Variants in AKT2 observed in about 807,000 individuals in gnomAD.
The protein encoded by AKT2 is RAC-beta serine/threonine-protein kinase.
Under a neutral mutation model 58.6 loss-of-function variants are expected in AKT2, and 16 were observed. The observed-to-expected ratio is 0.27, with a 90% confidence interval of 0.18 to 0.41. The LOEUF (loss-of-function observed/expected upper bound fraction) is 0.41. Ranked by LOEUF, AKT2 falls within the 10% of genes least tolerant of loss-of-function variation. The pLI is 1.00. For missense variants in AKT2, 438 were observed against 661.0 expected (o/e 0.66, Z 3.70); for synonymous variants, 253 against 254.0 (o/e 1.00, Z 0.04).
chr19:40,245,202 C>CTG (rs1974670549), intron 4 of AKT2, among the ~76,000 whole-genome samples: 1 of 152,084 alleles, frequency 6.6e-6, no homozygotes, highest in South Asian at 2.1e-4. Flanking sequence ...TGAGGCAGGT[C>CTG]TGTATGCTGA....
intron 1 of AKT2, chr19:40,284,964 A>C (rs1300056933): frequency 3.6e-5 from 11 of 303,398 alleles, no homozygotes; most frequent in East Asian, 1.0e-4. Flanking sequence ...CGCTCCCCCC[A>C]CCGCCTCAGT....
intron 6 of AKT2, chr19:40,240,439 G>A (rs1447093643): frequency 3.7e-6 from 2 of 538,570 alleles, no homozygotes; most frequent in African/African-American, 3.8e-5. Flanking sequence ...CACAGGCTGT[G>A]GGAAGTCCCA....
chr19:40,267,083 GC>G (rs1252161414), intron 1 of AKT2, among the ~76,000 whole-genome samples: 2 of 151,504 alleles, frequency 1.3e-5, no homozygotes, highest in Admixed American at 1.3e-4. Flanking sequence ...GCCCCCATCT[GC>G]CCCCACCTCT....
intron 1 of AKT2, chr19:40,274,114 A>G (rs1275296917): frequency 6.6e-6 from 1 of 152,544 alleles, no homozygotes; most frequent in Non-Finnish European, 1.5e-5. Flanking sequence ...TCCCACGAGC[A>G]GCGGACTCTC....
At chr19:40,264,149 C>T (rs754322160) in intron 2 of AKT2, among the ~76,000 whole-genome samples, 2 of 152,168 alleles carry the variant, frequency 1.3e-5, no homozygotes, top group Non-Finnish European at 2.9e-5. Context: ...CTGCTCAGCA[C>T]GTGTTTGCTG....
chr19:40,270,485 C>G (rs1430252896), intron 1 of AKT2: 5 of 152,326 alleles, frequency 3.3e-5, no homozygotes, highest in African/African-American at 4.8e-5. Flanking sequence ...TTCTCTCGCC[C>G]CCTCTCACTG....
intron 6 of AKT2, chr19:40,241,590 GC>G (rs1247280803): frequency 3.0e-6 from 1 of 335,566 alleles, no homozygotes; most frequent in African/African-American, 2.1e-5. Flanking sequence ...TCCACTCCTG[GC>G]CCGGCCTCCA....
Position 40,236,238 on chromosome 19 carries a change from C to G in AKT2, c.960+19G>C, listed in dbSNP as rs771140127. 1 of 1,613,598 alleles carries G rather than the reference C, an allele frequency of 6.2e-7. No homozygotes were observed. Among genetic ancestry groups the G allele is most frequent in the Admixed American group, 1.7e-5 (1 of 60,018 alleles). Reference sequence around the variant, plus strand: ...TACCCTTGGCCTCACACGTTCCTACCCCCACCAACCCCAGACACCTCAGGC... The same window carrying G: ...TACCCTTGGCCTCACACGTTCCTACGCCCACCAACCCCAGACACCTCAGGC... On this transcript the variant is annotated intron_variant, in intron 10 of 13. Transcript: ENST00000392038.
intron 1 of AKT2, among the ~76,000 whole-genome samples, chr19:40,278,169 C>T (rs1293456204): frequency 5.9e-5 from 9 of 152,230 alleles, no homozygotes. Context: ...AGTGACAACT[C>T]CAGTCATAGC....
At chr19:40,282,530 C>T (rs1411205735) in intron 1 of AKT2, 1 of 531,670 alleles carries the variant, frequency 1.9e-6, no homozygotes, top group Admixed American at 1.9e-5. Context: ...ATGCTCAGGG[C>T]AGCCTGAGGC....
chr19:40,262,401 C>T (rs116756821), intron 2 of AKT2, among the ~76,000 whole-genome samples: 2,336 of 152,288 alleles, frequency 0.015, 31 homozygotes, highest in African/African-American at 0.037. Flanking sequence ...AAAGCACAGC[C>T]CACATCTTGA....
Position 40,242,295 on chromosome 19 carries a change from C to T in AKT2, c.442-226G>A. ...GGCTGGGCTCTGACGTGGGGGTAGC[C>T]AGGTCTTCACCAACTCCCAGGACGA... is the stretch of plus-strand genomic sequence containing the variant. On this transcript the variant is annotated intron_variant, in intron 5 of 13. Transcript: ENST00000392038. This position sits in a 1 kb window ranked among gnomAD's most constrained non-coding sequence, Gnocchi z 4.3. 1 of 856,442 alleles carries T rather than the reference C, an allele frequency of 1.2e-6. No individual in the cohort carries two copies. 53.1% of individuals were successfully genotyped at this position (856,442 alleles called of 1,614,324 possible). A position where few individuals can be genotyped will look rare whatever the true frequency, so the allele number is the denominator to read the frequency against.
intron 1 of AKT2, among the ~76,000 whole-genome samples, chr19:40,272,514 C>T (rs917238922): frequency 1.3e-5 from 2 of 152,210 alleles, no homozygotes; most frequent in South Asian, 2.1e-4. Context: ...AGAATGCAGG[C>T]GGGATGCCTT....
At position 40,232,512 on chromosome 19, in the gene AKT2, A is replaced by T. The variant is rs41301963; in HGVS notation, c.*1360T>A. ...TGAACTGTGTAGTACAGGAGATGGG[A>T]TAGGGAGAGCAAACCCACAAAAGCT... On this transcript the variant is annotated 3_prime_UTR_variant, in exon 14 of 14. Transcript: ENST00000392038. 1.9e-3 allele frequency: 406 copies of T among 213,724 alleles called. 1 individual carries two copies. The highest frequency in any genetic ancestry group is 3.1e-3 in the Non-Finnish European group (333 of 106,784). 13.2% of individuals were successfully genotyped at this position (213,724 alleles called of 1,614,324 possible). A position where few individuals can be genotyped will look rare whatever the true frequency, so the allele number is the denominator to read the frequency against.
At position 40,235,206 on chromosome 19, in the gene AKT2, TCAC is replaced by T; in HGVS notation, c.1263+54_1263+56del. The stretch of plus-strand genomic sequence containing the variant: ...TGAGGCCAGGAGGCCTCAACCAAGG[TCAC>T]CACGAGTGGGCCAGGTCCCTGAGGG... On this transcript the variant is annotated intron_variant, in intron 12 of 13. Coordinates refer to ENST00000392038, the MANE Select transcript of AKT2 (RefSeq NM_001626.6). This position sits in a 1 kb window ranked among gnomAD's most constrained non-coding sequence, Gnocchi z 6.3. The T allele has an allele frequency of 1.9e-6, 3 of 1,613,370 alleles. No homozygotes were observed. Among genetic ancestry groups the T allele is most frequent in the East Asian group, 2.2e-5 (1 of 44,820 alleles).
chr19:40,239,133 C>T, intron 7 of AKT2, 160 bp from the exon 8 acceptor site: 1 of 626,512 alleles, frequency 1.6e-6, no homozygotes, highest in Non-Finnish European at 2.8e-6. Flanking sequence ...CCGGCTGCAC[C>T]TTTTGGGGCA....
rs551249741 is a variant in AKT2, at chr19:40,233,543, C to G, written c.*329G>C. ...ACCAGCACGACACCCAGGCCAGAAA[C>G]TCAGGCAGGCCCCAGGCGCCATGCT... On this transcript the variant is annotated 3_prime_UTR_variant, in exon 14 of 14. Transcript: ENST00000392038. The surrounding 1 kb of genome is among the most constrained non-coding windows in gnomAD (Gnocchi z 4.3). 43 of 649,012 alleles carry G rather than the reference C, an allele frequency of 6.6e-5. No homozygotes were observed. The highest frequency in any genetic ancestry group is 1.1e-4 in the Admixed American group (6 of 54,794). 40.2% of individuals were successfully genotyped at this position (649,012 alleles called of 1,614,324 possible).
At position 40,230,726 on chromosome 19, in the gene AKT2, T is replaced by TTA. The variant is rs1973662110; in HGVS notation, c.*3145_*3146insTA. 2 of 206,780 alleles carry TTA rather than the reference T, an allele frequency of 9.7e-6. No individual in the cohort carries two copies. Among genetic ancestry groups the TTA allele is most frequent in the African/African-American group, 2.3e-5 (1 of 43,740 alleles). 12.8% of individuals were successfully genotyped at this position (206,780 alleles called of 1,614,324 possible). A position where few individuals can be genotyped will look rare whatever the true frequency, so the allele number is the denominator to read the frequency against. ...AATAGCATGTATCATGTTTTTTTTT[T>TTA]TTTTATTTTTAGAGACACAGTCTCA... On this transcript the variant is annotated 3_prime_UTR_variant, in exon 14 of 14. Coordinates refer to ENST00000392038, the MANE Select transcript of AKT2 (RefSeq NM_001626.6).
Position 40,236,308 on chromosome 19 carries a change from G to A in AKT2, c.909C>T (p.Asp303=), listed in dbSNP as rs887061845. The A allele has an allele frequency of 2.2e-5, 36 of 1,614,028 alleles. No individual in the cohort carries two copies. The highest frequency in any genetic ancestry group is 2.7e-5 in the African/African-American group (2 of 74,916). ...DFGLCKEGIS[D]GATMKTFCGT... is the part of the protein sequence containing the mutation. ...CACAGAAGGTTTTCATGGTGGCCCCGTCACTGATGCCCTCTTTGCAGAGGC... is the reference window on the plus strand; with the variant it reads ...CACAGAAGGTTTTCATGGTGGCCCCATCACTGATGCCCTCTTTGCAGAGGC... The change falls in exon 10 of 14, where the codon GAC becomes GAT. Residue 303 remains aspartate (D), a synonymous_variant. Transcript: ENST00000392038.
Sources: allele counts gnomAD v4.1 joint callset (sites outside exome capture counted in the v4.1 genomes callset), GRCh38; gene constraint gnomAD v4.1.1; non-coding constraint Gnocchi (gnomAD v3.1); transcripts MANE v1.5; gene names NCBI Gene and HGNC (gene_info 2026-07-23, HGNC 2026-07-21).